The following PTPRG variants were observed in gnomAD, a reference collection of about 807,000 sequenced individuals.
The protein encoded by PTPRG is receptor-type tyrosine-protein phosphatase gamma.
A neutral mutation model predicts 165.3 loss-of-function variants in PTPRG; 102 were observed. That is an observed-to-expected ratio of 0.62 (90% CI 0.53 to 0.73). The LOEUF (loss-of-function observed/expected upper bound fraction) is 0.73. Ranked by LOEUF, PTPRG falls within the 30% of genes least tolerant of loss-of-function variation. The pLI is 0.00. For missense variants in PTPRG, 1,866 were observed against 1,861.4 expected (o/e 1.00, Z -0.05); for synonymous variants, 675 against 669.5 (o/e 1.01, Z -0.13).
intron 2 of PTPRG, among the ~76,000 whole-genome samples, chr3:61,790,979 T>C (rs1236704509): frequency 1.3e-5 from 2 of 152,202 alleles, no homozygotes; most frequent in Non-Finnish European, 2.9e-5. Flanking sequence ...AAATGAATTA[T>C]CAGTCAGCAC....
chr3:61,677,464 A>AT (rs1228183734), intron 1 of PTPRG, among the ~76,000 whole-genome samples: 1 of 152,178 alleles, frequency 6.6e-6, no homozygotes, highest in Non-Finnish European at 1.5e-5. Flanking sequence ...CTAGATATAG[A>AT]TTTTTTGGAC....
chr3:61,819,234 T>C (rs1256304452), intron 2 of PTPRG, among the ~76,000 whole-genome samples: 1 of 152,156 alleles, frequency 6.6e-6, no homozygotes, highest in Non-Finnish European at 1.5e-5. Flanking sequence ...CATATGATTG[T>C]GAGTGTGCCA....
chr3:62,162,449 A>G (rs1261932792), intron 7 of PTPRG, among the ~76,000 whole-genome samples: 1 of 152,232 alleles, frequency 6.6e-6, no homozygotes, highest in East Asian at 1.9e-4. Flanking sequence ...TAAAGACTTC[A>G]TTAGTTGTAT....
chr3:61,989,758 C>G lies in PTPRG; in HGVS notation c.324C>G (p.Asp108Glu). ...AGGAACTGCAACTCGATGGCTTCGA[C>G]AATGAGTCTTCTAACAAAACCTGGA... Reference protein sequence around the residue: ...EYQELQLDGFDNESSNKTWMK... With the variant: ...EYQELQLDGFENESSNKTWMK... The change falls in exon 3 of 30, where the codon GAC becomes GAG. Residue 108 changes from aspartate (D) to glutamate (E), a missense_variant. By Grantham distance (45) the Asp-to-Glu change is conservative. This residue lies in a region of PTPRG where 408 missense variants were observed against 376.2 expected (regional missense o/e 1.08). Transcript: ENST00000474889. 6.2e-7 allele frequency: 1 copy of G among 1,614,128 alleles called. No homozygotes were observed. Among genetic ancestry groups the G allele is most frequent in the Non-Finnish European group, 8.5e-7 (1 of 1,180,004 alleles).
At chr3:61,797,613 T>G (rs572005664) in intron 2 of PTPRG, among the ~76,000 whole-genome samples, 38 of 72,578 alleles carry the variant, frequency 5.2e-4, no homozygotes, top group African/African-American at 1.7e-3. Flanking sequence ...CCCGCCTTCC[T>G]TTGTAAATCA....
At chr3:61,912,508 A>G (rs561314436) in intron 2 of PTPRG, among the ~76,000 whole-genome samples, 4 of 152,208 alleles carry the variant, frequency 2.6e-5, no homozygotes, top group South Asian at 4.1e-4. Flanking sequence ...TTTAATGTTA[A>G]AAAGAGGAAA....
intron 2 of PTPRG, among the ~76,000 whole-genome samples, chr3:61,894,078 C>G (rs569683502): frequency 6.6e-5 from 10 of 151,980 alleles, no homozygotes; most frequent in African/African-American, 2.4e-4. Flanking sequence ...CTGAGGTGGG[C>G]AGATCACTTG....
intron 6 of PTPRG, among the ~76,000 whole-genome samples, chr3:62,156,062 A>G (rs759016900): frequency 2.0e-5 from 3 of 152,194 alleles, no homozygotes; most frequent in Non-Finnish European, 4.4e-5. Flanking sequence ...GAAAGAAGCT[A>G]GATAGTTTAC....
intron 1 of PTPRG, among the ~76,000 whole-genome samples, chr3:61,563,067 C>G (rs1699805315): frequency 2.6e-5 from 4 of 151,868 alleles, no homozygotes; most frequent in Non-Finnish European, 5.9e-5. Flanking sequence ...CTCCCCTAGC[C>G]CCGGCCCGTG....
At chr3:62,261,777 T>G (rs1273299579) in intron 16 of PTPRG, 2 of 306 alleles carry the variant, frequency 6.5e-3, no homozygotes, top group African/African-American at 0.021. Flanking sequence ...AGAAGTGTAC[T>G]TCTCCCTGGG....
At chr3:61,858,832 T>C (rs532346383) in intron 2 of PTPRG, among the ~76,000 whole-genome samples, 2 of 152,290 alleles carry the variant, frequency 1.3e-5, no homozygotes, top group Non-Finnish European at 2.9e-5. Flanking sequence ...TTAAAGATTA[T>C]AACCATGGTG....
chr3:61,767,701 G>T (rs1424982221), intron 2 of PTPRG, among the ~76,000 whole-genome samples: 1 of 152,106 alleles, frequency 6.6e-6, no homozygotes, highest in African/African-American at 2.4e-5. Context: ...GGGCATAATG[G>T]CTCATGCCTA....
intron 5 of PTPRG, among the ~76,000 whole-genome samples, chr3:62,105,256 C>T (rs1381791960): frequency 6.6e-6 from 1 of 152,124 alleles, no homozygotes; most frequent in Non-Finnish European, 1.5e-5. Flanking sequence ...GTTGTATTTC[C>T]AGGGCATCCG....
At chr3:61,897,451 C>G (rs1286691079) in intron 2 of PTPRG, among the ~76,000 whole-genome samples, 1 of 152,118 alleles carries the variant, frequency 6.6e-6, no homozygotes, top group Non-Finnish European at 1.5e-5. Flanking sequence ...ATTGATGTCC[C>G]TATCTCTCCA....
intron 3 of PTPRG, among the ~76,000 whole-genome samples, chr3:61,994,000 C>T (rs539339210): frequency 6.6e-6 from 1 of 152,194 alleles, no homozygotes; most frequent in East Asian, 1.9e-4. Context: ...TTGGTTGTAC[C>T]TAGCCCACTT....
rs2036645048 is a variant in PTPRG, at chr3:61,841,850, A to G, written c.190+92868A>G. On this transcript the variant is annotated intron_variant, in intron 2 of 29. Coordinates refer to ENST00000474889, the MANE Select transcript of PTPRG (RefSeq NM_002841.4). Reference sequence around the variant, plus strand: ...AAAACAAAACAAAACAAAACAAAACAGACTTTTTGTACCAGAGCTCTAAGA... The same window carrying G: ...AAAACAAAACAAAACAAAACAAAACGGACTTTTTGTACCAGAGCTCTAAGA... Among the ~76,000 whole-genome samples, 3 of 152,058 alleles carry G rather than the reference A, an allele frequency of 2.0e-5. No homozygotes were observed. In the South Asian group the frequency reaches 6.2e-4, roughly 32 times the overall value.
intron 4 of PTPRG, among the ~76,000 whole-genome samples, chr3:62,070,606 T>C (rs1021380435): frequency 1.3e-5 from 2 of 152,220 alleles, no homozygotes; most frequent in African/African-American, 4.8e-5. Context: ...TAGAGTGTAG[T>C]GTGTTGAGTG....
intron 16 of PTPRG, among the ~76,000 whole-genome samples, chr3:62,258,719 A>AT (rs1375746028): frequency 1.3e-5 from 2 of 152,214 alleles, no homozygotes; most frequent in Non-Finnish European, 1.5e-5. Context: ...AAGCAACATC[A>AT]TACAGTATTT....
At position 62,252,917 on chromosome 3, in the gene PTPRG, G is replaced by T. The variant is rs528648860; in HGVS notation, c.2468-2207G>T. The stretch of plus-strand genomic sequence containing the variant: ...GGTGCCTGGAAACCCAGAGGGTGTG[G>T]TTAGGCGTCCTTGGATAAAGATGCA... On this transcript the variant is annotated intron_variant, in intron 15 of 29. Coordinates refer to ENST00000474889, the MANE Select transcript of PTPRG (RefSeq NM_002841.4). The surrounding 1 kb of genome is among the most constrained non-coding windows in gnomAD (Gnocchi z 4.6). 6.6e-6 allele frequency among the ~76,000 whole-genome samples: 1 copy of T among 152,266 alleles called. No individual in the cohort carries two copies. Among genetic ancestry groups the T allele is most frequent in the South Asian group, 2.1e-4 (1 of 4,822 alleles).
Sources: gnomAD v4.1 joint callset for allele counts (sites outside exome capture counted in the v4.1 genomes callset) on GRCh38, gnomAD v4.1.1 for gene constraint, gnomAD v4.1.1 regional missense constraint, Gnocchi (gnomAD v3.1) non-coding constraint, MANE v1.5 for transcripts, NCBI Gene and HGNC (gene_info 2026-07-23, HGNC 2026-07-21) for gene names.